ARHGEF3: variants seen among roughly 807,000 people sequenced by gnomAD.
The protein encoded by ARHGEF3 is Rho guanine nucleotide exchange factor 3.
ARHGEF3 carries 28 observed loss-of-function variants against 63.2 expected under a neutral mutation model. That is an observed-to-expected ratio of 0.44 (90% CI 0.33 to 0.61). ARHGEF3 has a LOEUF of 0.61. Ranked by LOEUF, ARHGEF3 falls within the 20% of genes least tolerant of loss-of-function variation. The pLI is 0.03. For missense variants in ARHGEF3, 533 were observed against 659.3 expected (o/e 0.81, Z 2.10); for synonymous variants, 266 against 254.2 (o/e 1.05, Z -0.44).
At chr3:57,051,440 T>C (rs1704664612) in intron 1 of ARHGEF3, among the ~76,000 whole-genome samples, 1 of 151,854 alleles carries the variant, frequency 6.6e-6, no homozygotes, top group Non-Finnish European at 1.5e-5. Context: ...TGAGCCAAGA[T>C]TGCGCCACTG....
At chr3:56,965,566 T>C (rs960678877) in intron 2 of ARHGEF3, among the ~76,000 whole-genome samples, 1 of 151,096 alleles carries the variant, frequency 6.6e-6, no homozygotes, top group Non-Finnish European at 1.5e-5. Context: ...AAGGAGAATA[T>C]AGCACATGTG....
intron 1 of ARHGEF3, among the ~76,000 whole-genome samples, chr3:56,776,367 T>C (rs2036285998): frequency 1.3e-5 from 2 of 152,218 alleles, no homozygotes; most frequent in Admixed American, 1.3e-4. Context: ...TCTCTGGCAA[T>C]CTGACATTCC....
intron 4 of ARHGEF3, among the ~76,000 whole-genome samples, chr3:56,878,955 T>G (rs1458438732): frequency 6.6e-6 from 1 of 152,194 alleles, no homozygotes; most frequent in Non-Finnish European, 1.5e-5. Context: ...TAGATTCTCA[T>G]AGGAGCACAC....
intron 2 of ARHGEF3, among the ~76,000 whole-genome samples, chr3:57,032,989 G>A (rs1010147527): frequency 1.3e-5 from 2 of 152,174 alleles, no homozygotes; most frequent in African/African-American, 4.8e-5. Context: ...GATGAAGCTA[G>A]GCAACAGAGT....
At chr3:57,028,957 T>C (rs950091377) in intron 2 of ARHGEF3, among the ~76,000 whole-genome samples, 2 of 145,182 alleles carry the variant, frequency 1.4e-5, no homozygotes, top group Non-Finnish European at 3.0e-5. Flanking sequence ...CCTTTGGCCA[T>C]TACAAGGGCA....
At chr3:56,861,478 T>G (rs1002901939) in intron 4 of ARHGEF3, among the ~76,000 whole-genome samples, 1 of 152,150 alleles carries the variant, frequency 6.6e-6, no homozygotes, top group African/African-American at 2.4e-5. Context: ...GAAACAGTCT[T>G]CCTAGCAGGA....
intron 4 of ARHGEF3, among the ~76,000 whole-genome samples, chr3:56,872,067 G>C (rs1434752301): frequency 6.6e-6 from 1 of 152,140 alleles, no homozygotes; most frequent in Non-Finnish European, 1.5e-5. Flanking sequence ...AATGCATTAA[G>C]AAGCACATGC....
At chr3:56,784,227 C>T (rs2036690115) in intron 1 of ARHGEF3, among the ~76,000 whole-genome samples, 1 of 152,226 alleles carries the variant, frequency 6.6e-6, no homozygotes, top group Admixed American at 6.5e-5. Flanking sequence ...TTGCCAGCAG[C>T]ATCAAGTCTC....
At chr3:56,919,690 C>G (rs2042075414) in intron 3 of ARHGEF3, among the ~76,000 whole-genome samples, 1 of 152,162 alleles carries the variant, frequency 6.6e-6, no homozygotes. Flanking sequence ...TTACTGAAAC[C>G]ACAGCGACTA....
At chr3:56,973,604 G>A (rs1347210256) in intron 2 of ARHGEF3, among the ~76,000 whole-genome samples, 4 of 152,016 alleles carry the variant, frequency 2.6e-5, no homozygotes. Context: ...CATGAGGGTA[G>A]GAGGAAAACC....
chr3:56,884,082 T>C (rs2040848559), intron 3 of ARHGEF3, among the ~76,000 whole-genome samples: 1 of 152,194 alleles, frequency 6.6e-6, no homozygotes, highest in African/African-American at 2.4e-5. Flanking sequence ...CCTATTATGA[T>C]GAACTATAAT....
chr3:56,783,448 C>G (rs1198840229), intron 1 of ARHGEF3, among the ~76,000 whole-genome samples: 2 of 152,248 alleles, frequency 1.3e-5, no homozygotes, highest in Admixed American at 6.5e-5. Flanking sequence ...TCATGGCATA[C>G]CATTTTGTTT....
chr3:56,921,155 G>A (rs554566996), intron 3 of ARHGEF3, among the ~76,000 whole-genome samples: 52 of 149,992 alleles, frequency 3.5e-4, no homozygotes, highest in Admixed American at 3.0e-3. Context: ...GCTTGAGCCC[G>A]GGAGTTCAAG....
chr3:56,804,218 G>A (rs2037784564), upstream of ARHGEF3, among the ~76,000 whole-genome samples: 1 of 152,134 alleles, frequency 6.6e-6, no homozygotes, highest in African/African-American at 2.4e-5. Context: ...TTATTTTGTA[G>A]ACTGTACTGT....
intron 4 of ARHGEF3, among the ~76,000 whole-genome samples, chr3:56,825,365 A>G (rs569748669): frequency 1.3e-5 from 2 of 152,364 alleles, no homozygotes; most frequent in South Asian, 2.1e-4. Context: ...AAAAGCACCA[A>G]TTTAAGAATC....
chr3:56,814,175 G>A (rs1180425634), intron 4 of ARHGEF3, among the ~76,000 whole-genome samples: 1 of 152,160 alleles, frequency 6.6e-6, no homozygotes, highest in Non-Finnish European at 1.5e-5. Flanking sequence ...GAAGAACATA[G>A]AATACAAGCT....
chr3:56,738,712 T>G (rs2033808731), intron 7 of ARHGEF3, among the ~76,000 whole-genome samples: 1 of 152,174 alleles, frequency 6.6e-6, no homozygotes, highest in Non-Finnish European at 1.5e-5. Context: ...TTTATTCTGA[T>G]GTGTTGGTCA....
At chr3:56,740,695 A>G (rs375173725) in intron 7 of ARHGEF3, among the ~76,000 whole-genome samples, 3 of 152,282 alleles carry the variant, frequency 2.0e-5, no homozygotes, top group African/African-American at 7.2e-5. Context: ...ACCTTTCCAT[A>G]TTTTTAATAT....
chr3:56,969,554 C>T (rs1370427564), intron 2 of ARHGEF3, among the ~76,000 whole-genome samples: 1 of 151,948 alleles, frequency 6.6e-6, no homozygotes, highest in African/African-American at 2.4e-5. Flanking sequence ...GGGCAGACCA[C>T]AAGGTCAGAA....
Sources: gnomAD v4.1 joint callset for allele counts (sites outside exome capture counted in the v4.1 genomes callset) on GRCh38, gnomAD v4.1.1 for gene constraint, MANE v1.5 for transcripts, NCBI Gene and HGNC (gene_info 2026-07-23, HGNC 2026-07-21) for gene names.